CWH43: variants seen among roughly 807,000 people sequenced by gnomAD.
The protein encoded by CWH43 is cell wall biogenesis 43 C-terminal homolog, also known as PGAP2-interacting protein.
Under a neutral mutation model 85.7 loss-of-function variants are expected in CWH43, and 91 were observed. That is an observed-to-expected ratio of 1.06 (90% CI 0.90 to 1.26). The LOEUF (loss-of-function observed/expected upper bound fraction) is 1.26. Ranked by LOEUF, CWH43 falls within the 50% of genes most tolerant of loss-of-function variation. CWH43 has a pLI of 0.00. For synonymous variants in CWH43, 323 were observed against 293.6 expected (o/e 1.10, Z -1.02); for missense variants, 869 against 839.2 (o/e 1.04, Z -0.44).
chr4:49,038,198 G>T lies in CWH43; in HGVS notation c.1803+18G>T. The T allele has an allele frequency of 1.3e-6, 2 of 1,506,162 alleles. No homozygotes were observed. Among genetic ancestry groups the T allele is most frequent in the South Asian group, 1.3e-5 (1 of 76,154 alleles). 93.3% of individuals were successfully genotyped at this position (1,506,162 alleles called of 1,614,324 possible). A position where few individuals can be genotyped will look rare whatever the true frequency, so the allele number is the denominator to read the frequency against. ...ATGTGAAGGTAACATAATCTTAATA[G>T]GATTTCTAATTTATTAAGTAAAACA... On this transcript the variant is annotated intron_variant, in intron 13 of 15. Coordinates refer to ENST00000226432, the MANE Select transcript of CWH43 (RefSeq NM_025087.3).
At chr4:48,991,128 T>G (rs1450785791) in intron 2 of CWH43, among the ~76,000 whole-genome samples, 1 of 152,108 alleles carries the variant, frequency 6.6e-6, no homozygotes, top group Non-Finnish European at 1.5e-5. Flanking sequence ...CTAGGGCATG[T>G]GGAGAGAAGG....
At chr4:49,006,813 A>T (rs971475698) in intron 7 of CWH43, among the ~76,000 whole-genome samples, 1 of 152,154 alleles carries the variant, frequency 6.6e-6, no homozygotes, top group African/African-American at 2.4e-5. Flanking sequence ...CGTATGATCC[A>T]TTGTGATCCT....
rs145799491 is a variant in CWH43, at chr4:49,027,552, A to T, written c.1267-1077A>T. On this transcript the variant is annotated intron_variant, in intron 9 of 15. Transcript: ENST00000226432. Reference sequence around the variant, plus strand: ...TTTTACCGTTTTAAAAATTATTTAAATTTTTTTGTCAGTACATAGTAGGTG... The same window carrying T: ...TTTTACCGTTTTAAAAATTATTTAATTTTTTTTGTCAGTACATAGTAGGTG... 2.2e-3 allele frequency among the ~76,000 whole-genome samples: 335 copies of T among 152,100 alleles called. 9 individuals are homozygous for T. In the East Asian group the frequency reaches 0.045, roughly 21 times the overall value.
chr4:49,058,423 T>C (rs1785035415), intron 15 of CWH43, among the ~76,000 whole-genome samples: 1 of 152,326 alleles, frequency 6.6e-6, no homozygotes, highest in African/African-American at 2.4e-5. Flanking sequence ...ATATATCATG[T>C]ACCCATTAAC....
At chr4:49,008,873 T>C (rs1443234464) in intron 8 of CWH43, among the ~76,000 whole-genome samples, 1 of 152,242 alleles carries the variant, frequency 6.6e-6, no homozygotes, top group Non-Finnish European at 1.5e-5. Flanking sequence ...TTTTGGTTAC[T>C]GTAGACTTGT....
At position 49,062,022 on chromosome 4, in the gene CWH43, C is replaced by A; in HGVS notation, c.*132C>A. ...ACTTAAAAAACACATGGTATCTATG[C>A]AGTGGGAAATTACCTCCATTTGTAA... On this transcript the variant is annotated 3_prime_UTR_variant, in exon 16 of 16. Coordinates refer to ENST00000226432, the MANE Select transcript of CWH43 (RefSeq NM_025087.3). The A allele has an allele frequency of 3.3e-6, 2 of 600,216 alleles. No individual in the cohort carries two copies. The highest frequency in any genetic ancestry group is 6.1e-5 in the South Asian group (1 of 16,290). The allele number at this position is 600,216 out of a possible 1,614,324, so 37.2% of individuals were successfully genotyped here. A position where few individuals can be genotyped will look rare whatever the true frequency, so the allele number is the denominator to read the frequency against.
intron 9 of CWH43, among the ~76,000 whole-genome samples, chr4:49,023,652 C>G (rs1398163085): frequency 1.3e-5 from 2 of 152,224 alleles, no homozygotes; most frequent in Non-Finnish European, 2.9e-5. Context: ...GCTGGGATTA[C>G]AGGCATGAGC....
rs1395960297 is a variant in CWH43, at chr4:49,061,804, T to G, written c.2022-8T>G. ...CAATAACTTTTTATTTATTTTTTAT[T>G]TTTTTAGATTTGGATCCTACAAAGA... is the stretch of plus-strand genomic sequence containing the variant. On this transcript the variant is annotated splice_polypyrimidine_tract_variant and splice_region_variant and intron_variant, in intron 15 of 15. Transcript: ENST00000226432. The G allele has an allele frequency of 1.6e-5, 22 of 1,371,302 alleles. No individual in the cohort carries two copies. The highest frequency in any genetic ancestry group is 2.0e-5 in the Non-Finnish European group (21 of 1,034,906). 84.9% of individuals were successfully genotyped at this position (1,371,302 alleles called of 1,614,324 possible). A position where few individuals can be genotyped will look rare whatever the true frequency, so the allele number is the denominator to read the frequency against.
chr4:49,005,328 A>C (rs1783120814), intron 7 of CWH43, among the ~76,000 whole-genome samples: 1 of 152,100 alleles, frequency 6.6e-6, no homozygotes, highest in Non-Finnish European at 1.5e-5. Flanking sequence ...TGTATCCATT[A>C]ATCAATTTCT....
intron 2 of CWH43, among the ~76,000 whole-genome samples, chr4:48,989,264 A>T (rs1782582774): frequency 6.6e-6 from 1 of 152,236 alleles, no homozygotes; most frequent in African/African-American, 2.4e-5. Flanking sequence ...TAAATCATAC[A>T]CATACAGATA....
chr4:49,049,520 T>TA (rs995253824), intron 14 of CWH43, among the ~76,000 whole-genome samples: 425 of 143,276 alleles, frequency 3.0e-3, no homozygotes, highest in Middle Eastern at 0.011. Context: ...TATCTCACTC[T>TA]AAAAAAAAAA....
At position 49,050,720 on chromosome 4, in the gene CWH43, C is replaced by T; in HGVS notation, c.1892C>T (p.Ala631Val). Residue 631 changes from alanine (A) to valine (V), a missense_variant, in exon 15 of 16, where the codon GCT becomes GTT. Ala to Val is a moderately conservative substitution (Grantham distance 64). Coordinates refer to ENST00000226432, the MANE Select transcript of CWH43 (RefSeq NM_025087.3). ...TTGGGTTATGCAAGAATCTCCCATG[C>T]TGAACTGAGTGATTCAGAAATTCAG... is the stretch of plus-strand genomic sequence containing the variant. ...IRLGYARISH[A>V]ELSDSEIQMA... is the part of the protein sequence containing the mutation. 6.2e-7 allele frequency: 1 copy of T among 1,612,936 alleles called. No individual in the cohort carries two copies. Among genetic ancestry groups the T allele is most frequent in the South Asian group, 1.1e-5 (1 of 90,990 alleles).
intron 6 of CWH43, among the ~76,000 whole-genome samples, chr4:49,001,239 G>A (rs1192913541): frequency 6.6e-6 from 1 of 152,098 alleles, no homozygotes; most frequent in Non-Finnish European, 1.5e-5. Flanking sequence ...CATATTGATA[G>A]GACCCCATTG....
intron 14 of CWH43, among the ~76,000 whole-genome samples, chr4:49,046,724 G>A (rs1355818880): frequency 6.6e-6 from 1 of 152,050 alleles, no homozygotes; most frequent in Non-Finnish European, 1.5e-5. Context: ...GATGTTGCGG[G>A]GTAAGAGCAA....
At chr4:49,060,217 G>T (rs1785105315) in intron 15 of CWH43, among the ~76,000 whole-genome samples, 1 of 152,000 alleles carries the variant, frequency 6.6e-6, no homozygotes, top group Admixed American at 6.6e-5. Context: ...TGGGCTTGGA[G>T]CCTGGGTCTG....
At chr4:49,050,472 GTTAC>G (rs893627070) in intron 14 of CWH43, among the ~76,000 whole-genome samples, 28 of 152,254 alleles carry the variant, frequency 1.8e-4, no homozygotes, top group South Asian at 1.2e-3. Flanking sequence ...GCTAAGAATA[GTTAC>G]TTAATTAAAT....
chr4:49,018,856 T>C (rs1323318435), intron 9 of CWH43, among the ~76,000 whole-genome samples: 2 of 152,230 alleles, frequency 1.3e-5, no homozygotes, highest in African/African-American at 4.8e-5. Flanking sequence ...TACAGAGTGC[T>C]TGCCAGGTAT....
At chr4:48,990,780 T>C (rs146930121) in intron 2 of CWH43, among the ~76,000 whole-genome samples, 3 of 152,222 alleles carry the variant, frequency 2.0e-5, no homozygotes, top group Non-Finnish European at 4.4e-5. Flanking sequence ...TTCCTTGGTA[T>C]GTACCCAAGA....
At chr4:49,030,096 C>T (rs1384577709) in intron 10 of CWH43, among the ~76,000 whole-genome samples, 1 of 152,208 alleles carries the variant, frequency 6.6e-6, no homozygotes, top group Non-Finnish European at 1.5e-5. Context: ...TGGCCCCCTT[C>T]ATGGGTCAGA....
Sources: allele counts gnomAD v4.1 joint callset (sites outside exome capture counted in the v4.1 genomes callset), GRCh38; gene constraint gnomAD v4.1.1; transcripts MANE v1.5; gene names NCBI Gene and HGNC (gene_info 2026-07-23, HGNC 2026-07-21).